Variants in LRBA observed in about 807,000 individuals in gnomAD.
LRBA encodes the protein LPS responsive beige-like anchor protein.
Under a neutral mutation model 330.0 loss-of-function variants are expected in LRBA, and 176 were observed. That is an observed-to-expected ratio of 0.53 (90% CI 0.47 to 0.60). The LOEUF (loss-of-function observed/expected upper bound fraction) is 0.60, where lower values mean the gene tolerates loss of function less well. LRBA is among the 20% of genes least tolerant of loss of function. The pLI is 0.00. For synonymous variants in LRBA, 1,230 were observed against 1,193.0 expected (o/e 1.03, Z -0.64); for missense variants, 3,259 against 3,444.8 (o/e 0.95, Z 1.35).
intron 37 of LRBA, among the ~76,000 whole-genome samples, chr4:150,646,519 G>A (rs2126745947): frequency 6.6e-6 from 1 of 152,008 alleles, no homozygotes; most frequent in Non-Finnish European, 1.5e-5. Context: ...GAGATCACAA[G>A]GGATACTTGG....
At chr4:150,539,618 A>T (rs1765100565) in intron 40 of LRBA, among the ~76,000 whole-genome samples, 1 of 152,244 alleles carries the variant, frequency 6.6e-6, no homozygotes, top group South Asian at 2.1e-4. Flanking sequence ...TAAACAATAT[A>T]TCTGCTCTGA....
At chr4:150,574,100 A>G (rs1238978694) in intron 40 of LRBA, among the ~76,000 whole-genome samples, 2 of 152,130 alleles carry the variant, frequency 1.3e-5, no homozygotes, top group South Asian at 2.1e-4. Flanking sequence ...TTATATAAAC[A>G]TATATTATTT....
At chr4:150,278,138 A>G in intron 55 of LRBA, 134 bp from the exon 56 acceptor site, 1 of 708,178 alleles carries the variant, frequency 1.4e-6, no homozygotes, top group South Asian at 2.2e-5. Context: ...AGTTTTTAGA[A>G]AATCGTGAGT....
At chr4:150,759,921 TC>T (rs1442903726) in intron 35 of LRBA, among the ~76,000 whole-genome samples, 2 of 152,152 alleles carry the variant, frequency 1.3e-5, no homozygotes, top group African/African-American at 4.8e-5. Context: ...CTATGTTGCC[TC>T]ATCTATTAAA....
intron 40 of LRBA, among the ~76,000 whole-genome samples, chr4:150,504,754 G>T (rs919187866): frequency 1.3e-5 from 2 of 151,922 alleles, no homozygotes; most frequent in Admixed American, 1.3e-4. Flanking sequence ...CATTAACTTT[G>T]AATGTAAATG....
At position 150,579,691 on chromosome 4, in the gene LRBA, G is replaced by A. The variant is rs765355549; in HGVS notation, c.6330+8357C>T. The stretch of plus-strand genomic sequence containing the variant: ...AGGTGCAGCGGAGTGTCCGGCGAGT[G>A]GTGGCGCGAAGGTCCGCTCGGCCTG... On this transcript the variant is annotated intron_variant, in intron 40 of 56. Transcript: ENST00000651943. 4.8e-5 allele frequency: 22 copies of A among 456,648 alleles called. 1 individual carries two copies. Among genetic ancestry groups the A allele is most frequent in the South Asian group, 3.3e-4 (21 of 64,574 alleles). 28.3% of individuals were successfully genotyped at this position (456,648 alleles called of 1,614,324 possible).
chr4:150,946,518 G>C (rs917754826), intron 2 of LRBA, among the ~76,000 whole-genome samples: 19 of 152,164 alleles, frequency 1.2e-4, no homozygotes, highest in African/African-American at 4.6e-4. Flanking sequence ...CTCCTAAATA[G>C]TTTATGTGTC....
chr4:150,656,709 A>G (rs927263699), intron 37 of LRBA, among the ~76,000 whole-genome samples: 3 of 152,180 alleles, frequency 2.0e-5, no homozygotes, highest in Non-Finnish European at 2.9e-5. Flanking sequence ...GGGCACTATA[A>G]TATTATACTA....
At chr4:150,606,177 G>A (rs1425835371) in intron 37 of LRBA, among the ~76,000 whole-genome samples, 1 of 152,028 alleles carries the variant, frequency 6.6e-6, no homozygotes. Flanking sequence ...AGCTTTTCCT[G>A]TCTGTTGTTA....
intron 37 of LRBA, among the ~76,000 whole-genome samples, chr4:150,652,747 T>C (rs775349007): frequency 1.5e-4 from 23 of 152,196 alleles, no homozygotes; most frequent in Admixed American, 5.9e-4. Flanking sequence ...ACATCTCAGT[T>C]GAGACTAACC....
intron 17 of LRBA, among the ~76,000 whole-genome samples, chr4:150,877,050 G>A (rs1020129685): frequency 6.6e-5 from 10 of 151,866 alleles, no homozygotes; most frequent in Non-Finnish European, 1.3e-4. Flanking sequence ...TCAGGAGATC[G>A]AGACCATCCT....
chr4:150,937,514 T>C (rs35624476), intron 2 of LRBA, among the ~76,000 whole-genome samples: 1 of 152,178 alleles, frequency 6.6e-6, no homozygotes, highest in African/African-American at 2.4e-5. Flanking sequence ...TTTTTTATGG[T>C]TGTATTTTTT....
chr4:150,790,416 T>C (rs1053749643), intron 34 of LRBA, among the ~76,000 whole-genome samples: 6 of 152,100 alleles, frequency 3.9e-5, no homozygotes, highest in South Asian at 2.1e-4. Flanking sequence ...CAAATAAAGA[T>C]CAATTAATGC....
chr4:150,609,001 T>C (rs900786466), intron 37 of LRBA, among the ~76,000 whole-genome samples: 2 of 151,982 alleles, frequency 1.3e-5, no homozygotes, highest in African/African-American at 4.8e-5. Context: ...TATCCATTCA[T>C]GTACTGATGA....
At position 150,583,817 on chromosome 4, in the gene LRBA, A is replaced by AGCTACCCGG. The variant is rs1046788874; in HGVS notation, c.6330+4222_6330+4230dup. On this transcript the variant is annotated intron_variant, in intron 40 of 56. Coordinates refer to ENST00000651943, the MANE Select transcript of LRBA (RefSeq NM_001364905.1). This position sits in a 1 kb window ranked among gnomAD's most constrained non-coding sequence, Gnocchi z 9.8. ...AAGACTCTGCGGGACCGCCACCTGG[A>AGCTACCCGG]GCTACCCGGCCAGCCGCTCAACAAC... The AGCTACCCGG allele has an allele frequency of 6.2e-7, 1 of 1,614,158 alleles. No homozygotes were observed. The highest frequency in any genetic ancestry group is 1.3e-5 in the African/African-American group (1 of 75,048).
intron 22 of LRBA, among the ~76,000 whole-genome samples, chr4:150,858,249 G>T (rs1312636807): frequency 1.3e-5 from 2 of 152,124 alleles, no homozygotes; most frequent in East Asian, 3.8e-4. Context: ...CCCAGCTACT[G>T]GAGAGGCTGA....
intron 55 of LRBA, among the ~76,000 whole-genome samples, chr4:150,279,811 T>C (rs1025399881): frequency 6.6e-6 from 1 of 152,238 alleles, no homozygotes; most frequent in Non-Finnish European, 1.5e-5. Flanking sequence ...ATTTCACAAA[T>C]GGCAATCTCT....
At chr4:150,877,272 A>G (rs1364164503) in intron 17 of LRBA, among the ~76,000 whole-genome samples, 5 of 151,858 alleles carry the variant, frequency 3.3e-5, no homozygotes, top group African/African-American at 1.2e-4. Flanking sequence ...AAAAAAAAAA[A>G]AAAGAGAGAC....
intron 40 of LRBA, among the ~76,000 whole-genome samples, chr4:150,517,545 T>C (rs1277043605): frequency 6.6e-6 from 1 of 151,766 alleles, no homozygotes; most frequent in Non-Finnish European, 1.5e-5. Context: ...ATAGAAGGTG[T>C]TCTGGGGGAT....
Sources: gnomAD v4.1 joint callset for allele counts (sites outside exome capture counted in the v4.1 genomes callset) on GRCh38, gnomAD v4.1.1 for gene constraint, Gnocchi (gnomAD v3.1) non-coding constraint, MANE v1.5 for transcripts, NCBI Gene and HGNC (gene_info 2026-07-23, HGNC 2026-07-21) for gene names.